ZFHX4: variants seen among roughly 807,000 people sequenced by gnomAD.
ZFHX4 encodes the protein zinc finger homeobox protein 4.
ZFHX4 carries 56 observed loss-of-function variants against 267.6 expected under a neutral mutation model. The ratio of observed to expected loss-of-function variants is 0.21; its 90% confidence interval spans 0.17 to 0.26. The LOEUF (loss-of-function observed/expected upper bound fraction) is 0.26, where lower values mean the gene tolerates loss of function less well. Ranked by LOEUF, ZFHX4 falls within the 10% of genes least tolerant of loss-of-function variation. ZFHX4 has a pLI of 1.00. For synonymous variants in ZFHX4, 1,778 were observed against 1,665.6 expected (o/e 1.07, Z -1.64); for missense variants, 4,332 against 4,420.0 (o/e 0.98, Z 0.56).
intron 4 of ZFHX4, among the ~76,000 whole-genome samples, chr8:76,797,489 C>T: frequency 6.6e-6 from 1 of 152,112 alleles, no homozygotes; most frequent in East Asian, 1.9e-4. Flanking sequence ...CAATGAGCAA[C>T]TCTTATTGCA....
chr8:76,795,374 A>G (rs1468749539), intron 4 of ZFHX4, among the ~76,000 whole-genome samples: 2 of 152,082 alleles, frequency 1.3e-5, no homozygotes, highest in African/African-American at 4.8e-5. Context: ...TCAGGGCTCA[A>G]GTGATCCTAT....
At chr8:76,755,912 A>G (rs1809748042) in intron 3 of ZFHX4, among the ~76,000 whole-genome samples, 1 of 152,090 alleles carries the variant, frequency 6.6e-6, no homozygotes, top group African/African-American at 2.4e-5. Context: ...TCTCTCTGTC[A>G]CTGTGACCTC....
chr8:76,853,166 T>C lies in ZFHX4; in HGVS notation c.6245T>C (p.Met2082Thr), dbSNP rs1420312610. ...GACCTGCCGCTCTTTCCTTCCATTA[T>C]GATGCAACCTGTGCAACACCCTGCG... The part of the protein sequence containing the change: ...SLDLPLFPSI[M>T]MQPVQHPALP... The change falls in exon 10 of 11, where the codon ATG becomes ACG. Residue 2082 changes from methionine (M) to threonine (T), a missense_variant. Physicochemically the swap from Met to Thr is moderately conservative, Grantham distance 81. Around this residue, in one of 7 missense-constraint regions of ZFHX4, gnomAD observed 1,371 missense variants for 1,423.1 expected, o/e 0.96. Transcript: ENST00000651372. 3 of 1,550,002 alleles carry C rather than the reference T, an allele frequency of 1.9e-6. No homozygotes were observed. Among genetic ancestry groups the C allele is most frequent in the Non-Finnish European group, 2.6e-6 (3 of 1,146,446 alleles).
chr8:76,754,212 G>A lies in ZFHX4; in HGVS notation c.3094-23996G>A, dbSNP rs575547368. 3.9e-5 allele frequency among the ~76,000 whole-genome samples: 6 copies of A among 152,238 alleles called. No homozygotes were observed. The South Asian group carries it at 8.3e-4, about 21-fold the overall frequency. ...CTGGGAAAAGAATTGCTTAGGCCAG[G>A]TGCAGTGGCTCATGCCTGTAATCTC... is the stretch of plus-strand genomic sequence containing the variant. On this transcript the variant is annotated intron_variant, in intron 3 of 10. Transcript: ENST00000651372.
intron 6 of ZFHX4, among the ~76,000 whole-genome samples, chr8:76,843,123 G>A (rs1011212468): frequency 3.3e-5 from 5 of 152,074 alleles, no homozygotes; most frequent in Admixed American, 3.3e-4. Flanking sequence ...TCCTCTGATG[G>A]CATATTAATT....
At chr8:76,834,381 A>G in intron 5 of ZFHX4, 1 of 233,322 alleles carries the variant, frequency 4.3e-6, no homozygotes, top group Non-Finnish European at 8.8e-6. Flanking sequence ...GTTGCCCCAC[A>G]TCATCACCAG....
At chr8:76,714,481 G>A (rs1012815325) in intron 3 of ZFHX4, among the ~76,000 whole-genome samples, 1 of 152,162 alleles carries the variant, frequency 6.6e-6, no homozygotes, top group African/African-American at 2.4e-5. Flanking sequence ...GCCTATTCCA[G>A]GAGAGCGTAT....
chr8:76,750,696 C>T (rs1033031685), intron 3 of ZFHX4, among the ~76,000 whole-genome samples: 19 of 151,898 alleles, frequency 1.3e-4, no homozygotes, highest in Non-Finnish European at 2.9e-5. Flanking sequence ...CTCATTTTTC[C>T]ATTACCCATA....
intron 4 of ZFHX4, among the ~76,000 whole-genome samples, chr8:76,825,486 C>T (rs1001245728): frequency 3.3e-5 from 5 of 152,202 alleles, no homozygotes; most frequent in African/African-American, 7.2e-5. Flanking sequence ...CTTTGAACAA[C>T]GTAGGTTTCT....
intron 4 of ZFHX4, among the ~76,000 whole-genome samples, chr8:76,778,770 T>A (rs1421039240): frequency 6.6e-6 from 1 of 152,172 alleles, no homozygotes; most frequent in African/African-American, 2.4e-5. Flanking sequence ...CCAAAGCAAT[T>A]TGGCTTTCAT....
chr8:76,792,857 C>T (rs1483922203), intron 4 of ZFHX4, among the ~76,000 whole-genome samples: 7 of 152,042 alleles, frequency 4.6e-5, no homozygotes, highest in South Asian at 2.1e-4. Context: ...TTTAAATATA[C>T]GATGAATCTG....
At chr8:76,860,949 A>C (rs1812850034) in intron 10 of ZFHX4, among the ~76,000 whole-genome samples, 1 of 152,114 alleles carries the variant, frequency 6.6e-6, no homozygotes, top group South Asian at 2.1e-4. Flanking sequence ...CAGACATAGA[A>C]CTGTAGGAAT....
Position 76,716,340 on chromosome 8 carries a change from G to T in ZFHX4, c.3093+8292G>T, listed in dbSNP as rs1808573824. Among the ~76,000 whole-genome samples the T allele has an allele frequency of 3.9e-5, 6 of 152,056 alleles. No homozygotes were observed. The South Asian group carries it at 1.2e-3, about 32-fold the overall frequency. On this transcript the variant is annotated intron_variant, in intron 3 of 10. Coordinates refer to ENST00000651372, the MANE Select transcript of ZFHX4 (RefSeq NM_024721.5). ...CCTTTTACAATGGCATTACTTTTTG[G>T]AGAGAACATACTTACAATAATCATG... is the stretch of plus-strand genomic sequence containing the variant.
At chr8:76,686,956 C>T (rs1264149146) in intron 1 of ZFHX4, among the ~76,000 whole-genome samples, 5 of 152,176 alleles carry the variant, frequency 3.3e-5, no homozygotes, top group Non-Finnish European at 7.4e-5. Flanking sequence ...CTTCTAAGAC[C>T]ACTCTAAGGG....
rs1269209667 is a variant in ZFHX4, at chr8:76,864,005, C to G, written c.10291C>G (p.Pro3431Ala). 1 of 1,613,780 alleles carries G rather than the reference C, an allele frequency of 6.2e-7. No homozygotes were observed. Among genetic ancestry groups the G allele is most frequent in the East Asian group, 2.2e-5 (1 of 44,820 alleles). The change falls in exon 11 of 11, where the codon CCT (proline) becomes GCT (alanine). Residue 3431 changes from proline (P) to alanine (A), a missense_variant. Pro to Ala is a conservative substitution (Grantham distance 27, BLOSUM62 -1). Coordinates refer to ENST00000651372, the MANE Select transcript of ZFHX4 (RefSeq NM_024721.5). ...HQKSFCYFGQPLIDPQETVLR... is the reference protein window; with the variant it reads ...HQKSFCYFGQALIDPQETVLR... ...AAAGTCCTTCTGTTATTTCGGTCAG[C>G]CTTTGATTGACCCACAAGAGACAGT...
In ZFHX4 at chr8:76,855,926, C is replaced by A. The variant is rs776700038; in HGVS notation, c.9005C>A (p.Thr3002Lys). ...GKPFMINQGG[T>K]EGTKPECTLC... ...CCTTTCATGATCAATCAAGGCGGAA[C>A]GGAAGGCACCAAACCAGAGTGTACC... Residue 3002 changes from threonine to lysine, a missense_variant, in exon 10 of 11, where the codon ACG becomes AAG. By Grantham distance (78) the Thr-to-Lys change is moderately conservative. Around this residue, in one of 7 missense-constraint regions of ZFHX4, gnomAD observed 1,648 missense variants for 1,625.0 expected, o/e 1.01. Coordinates refer to ENST00000651372, the MANE Select transcript of ZFHX4 (RefSeq NM_024721.5). 6.2e-7 allele frequency: 1 copy of A among 1,613,838 alleles called. No individual in the cohort carries two copies. Among genetic ancestry groups the A allele is most frequent in the South Asian group, 1.1e-5 (1 of 91,072 alleles).
chr8:76,778,595 A>G (rs528032355), intron 4 of ZFHX4, among the ~76,000 whole-genome samples, 156 bp downstream of exon 4: 3 of 152,236 alleles, frequency 2.0e-5, no homozygotes, highest in Admixed American at 1.3e-4. Context: ...TCAGAAATGA[A>G]CATGTTGTTC....
At chr8:76,802,784 C>T (rs1186106577) in intron 4 of ZFHX4, among the ~76,000 whole-genome samples, 1 of 152,084 alleles carries the variant, frequency 6.6e-6, no homozygotes, top group Non-Finnish European at 1.5e-5. Context: ...TATTTTTACA[C>T]CATAGGGACA....
At position 76,706,605 on chromosome 8, in the gene ZFHX4, T is replaced by C; in HGVS notation, c.2517T>C (p.Pro839=). 1 of 1,609,038 alleles carries C rather than the reference T, an allele frequency of 6.2e-7. No individual in the cohort carries two copies. Among genetic ancestry groups the C allele is most frequent in the Non-Finnish European group, 8.5e-7 (1 of 1,177,896 alleles). ...TGACCGGAATGAAGCTGGAAAACCC[T>C]GCCGACCCTCAGCTGATGATCAATC... ...IGLTGMKLEN[P]ADPQLMINPF... The change falls in exon 2 of 11, where the codon CCT becomes CCC. Residue 839 remains proline, a synonymous_variant. Transcript: ENST00000651372.
Sources: allele counts gnomAD v4.1 joint callset (sites outside exome capture counted in the v4.1 genomes callset), GRCh38; gene constraint gnomAD v4.1.1; regional missense constraint gnomAD v4.1.1; transcripts MANE v1.5; gene names NCBI Gene and HGNC (gene_info 2026-07-23, HGNC 2026-07-21).